Variants in ARHGAP39 observed in about 807,000 individuals in gnomAD.
ARHGAP39 encodes rho GTPase-activating protein 39.
ARHGAP39 carries 44 observed loss-of-function variants against 106.9 expected under a neutral mutation model. The ratio of observed to expected loss-of-function variants is 0.41; its 90% CI spans 0.32 to 0.53. ARHGAP39 has a LOEUF of 0.53. Ranked by LOEUF, ARHGAP39 falls within the 20% of genes least tolerant of loss-of-function variation. The pLI is 0.21. For synonymous variants in ARHGAP39, 768 were observed against 693.2 expected (o/e 1.11, Z -1.69); for missense variants, 1,496 against 1,577.3 (o/e 0.95, Z 0.87).
chr8:144,561,163 A>T (rs186105143), intron 3 of ARHGAP39, among the ~76,000 whole-genome samples: 60 of 152,330 alleles, frequency 3.9e-4, no homozygotes, highest in Admixed American at 9.8e-4. Flanking sequence ...ATCACACCCC[A>T]GTGGTTTCCA....
chr8:144,545,194 A>G, intron 6 of ARHGAP39, 55 bp downstream of exon 6: 2 of 1,410,546 alleles, frequency 1.4e-6, no homozygotes, highest in Non-Finnish European at 1.9e-6. Flanking sequence ...GCACAGCAGG[A>G]GCCCTCTCCA....
chr8:144,571,744 C>T (rs1014498325), intron 3 of ARHGAP39, among the ~76,000 whole-genome samples: 23 of 152,154 alleles, frequency 1.5e-4, no homozygotes, highest in Non-Finnish European at 2.5e-4. Flanking sequence ...GAAAAACACA[C>T]TGTCTCAGCC....
intron 2 of ARHGAP39, among the ~76,000 whole-genome samples, chr8:144,596,121 C>T (rs1012791596): frequency 2.0e-5 from 3 of 152,186 alleles, no homozygotes; most frequent in South Asian, 2.1e-4. Flanking sequence ...CCCACATGAC[C>T]GGAACCCAAC....
At chr8:144,549,413 T>C (rs896129819) in intron 4 of ARHGAP39, among the ~76,000 whole-genome samples, 1 of 152,266 alleles carries the variant, frequency 6.6e-6, no homozygotes, top group African/African-American at 2.4e-5. Flanking sequence ...TTCTACAATT[T>C]CCAAATGTTA....
intron 3 of ARHGAP39, among the ~76,000 whole-genome samples, chr8:144,577,036 C>T (rs533254781): frequency 7.0e-4 from 107 of 152,272 alleles, no homozygotes; most frequent in Non-Finnish European, 1.2e-3. Flanking sequence ...CTGTACACGC[C>T]ACGAATGTCT....
chr8:144,573,340 G>A (rs1217732456), intron 3 of ARHGAP39, among the ~76,000 whole-genome samples: 1 of 151,622 alleles, frequency 6.6e-6, no homozygotes. Flanking sequence ...ATCATTCTGA[G>A]CAAACTATCA....
At chr8:144,592,651 GAAACCT>G (rs1819451522) in intron 2 of ARHGAP39, among the ~76,000 whole-genome samples, 1 of 150,494 alleles carries the variant, frequency 6.6e-6, no homozygotes, top group Non-Finnish European at 1.5e-5. Flanking sequence ...AGACCCTCGG[GAAACCT>G]GAGGGCACCT....
chr8:144,578,710 G>A (rs550124198), intron 3 of ARHGAP39, among the ~76,000 whole-genome samples: 2 of 152,124 alleles, frequency 1.3e-5, no homozygotes, highest in Non-Finnish European at 2.9e-5. Flanking sequence ...AATTAGCCTG[G>A]TGTGGTGGCA....
intron 2 of ARHGAP39, 34 bp downstream of exon 2, chr8:144,605,501 C>T (rs999864087): frequency 6.2e-7 from 1 of 1,610,674 alleles, no homozygotes; most frequent in East Asian, 2.2e-5. Flanking sequence ...ACTCGTGAGG[C>T]CCGGGCAGCT....
the ARHGAP39 span, among the ~76,000 whole-genome samples, chr8:144,700,175 G>A: frequency 6.6e-5 from 10 of 152,140 alleles, no homozygotes; most frequent in African/African-American, 2.2e-4. The surrounding 1 kb of genome is among the most constrained non-coding windows in gnomAD (Gnocchi z 5.6). Flanking sequence ...TCTCCCCCCT[G>A]GAGATCCCAG....
At chr8:144,546,344 C>T (rs1817419883) in intron 5 of ARHGAP39, among the ~76,000 whole-genome samples, 1 of 152,178 alleles carries the variant, frequency 6.6e-6, no homozygotes, top group Non-Finnish European at 1.5e-5. Context: ...GGCCTCTCTG[C>T]CCTCTTGTCC....
At chr8:144,699,448 CG>C in the ARHGAP39 span, among the ~76,000 whole-genome samples, 1 of 3,082 alleles carries the variant, frequency 3.2e-4, no homozygotes, top group African/African-American at 1.3e-3. Context: ...GGCCTTGAGG[CG>C]GGGGTGGGAG....
chr8:144,533,353 C>A (rs749253361), intron 8 of ARHGAP39, 28 bp from the exon 9 acceptor site: 1 of 1,596,782 alleles, frequency 6.3e-7, no homozygotes, highest in South Asian at 1.1e-5. Context: ...CCGTCCTGGT[C>A]TGGCCTGGCC....
chr8:144,652,643 G>A (rs1480377965), intron 1 of ARHGAP39, among the ~76,000 whole-genome samples: 1 of 152,146 alleles, frequency 6.6e-6, no homozygotes, highest in East Asian at 1.9e-4. Context: ...ATTCTCCTTA[G>A]CAAACTAACA....
rs193069072 is a variant in ARHGAP39, at chr8:144,597,537, G to A, written c.80+7998C>T. Among the ~76,000 whole-genome samples the A allele has an allele frequency of 2.8e-4, 43 of 152,334 alleles. No homozygotes were observed. The East Asian group carries it at 6.4e-3, about 23-fold the overall frequency. ...AGGCGTGGACAGAGAGCCCCTCGCTGCCCCTTGCAGATCTACGCGACGCCC... is the reference window on the plus strand; with the variant it reads ...AGGCGTGGACAGAGAGCCCCTCGCTACCCCTTGCAGATCTACGCGACGCCC... On this transcript the variant is annotated intron_variant, in intron 2 of 11. Transcript: ENST00000377307.
chr8:144,603,824 T>C (rs1441361069), intron 2 of ARHGAP39, among the ~76,000 whole-genome samples: 1 of 152,024 alleles, frequency 6.6e-6, no homozygotes, highest in Non-Finnish European at 1.5e-5. Flanking sequence ...GACAAACAGC[T>C]GATTCCAAGG....
At chr8:144,602,217 T>C (rs1586602364) in intron 2 of ARHGAP39, among the ~76,000 whole-genome samples, 1 of 116,164 alleles carries the variant, frequency 8.6e-6, no homozygotes. Flanking sequence ...GCGTGCGAGC[T>C]CGTGTACCTG....
chr8:144,537,637 TAGAGA>T (rs934930266), intron 7 of ARHGAP39, 79 bp downstream of exon 7: 146 of 1,180,528 alleles, frequency 1.2e-4, no homozygotes, highest in Non-Finnish European at 1.7e-4. Context: ...CAGAAGCGGT[TAGAGA>T]AGAGAAGGCC....
At position 144,538,042 on chromosome 8, in the gene ARHGAP39, C is replaced by T. The variant is rs117058174; in HGVS notation, c.2522-229G>A. ...TGGGAAGCTGCCGTGCCTGTGCTGG[C>T]GTGAGTGGAGGTGCAGGGAAGGCGC... On this transcript the variant is annotated intron_variant, in intron 6 of 11. Coordinates refer to ENST00000377307, the MANE Select transcript of ARHGAP39 (RefSeq NM_025251.3). 2.4e-3 allele frequency among the ~76,000 whole-genome samples: 367 copies of T among 152,292 alleles called. 4 individuals carry two copies. The highest frequency in any genetic ancestry group is 7.8e-3 in the African/African-American group (323 of 41,556).
Sources: allele counts gnomAD v4.1 joint callset (sites outside exome capture counted in the v4.1 genomes callset), GRCh38; gene constraint gnomAD v4.1.1; non-coding constraint Gnocchi (gnomAD v3.1); transcripts MANE v1.5; gene names NCBI Gene and HGNC (gene_info 2026-07-23, HGNC 2026-07-21).